KCNG3: variants seen among roughly 807,000 people sequenced by gnomAD.
KCNG3 encodes the protein voltage-gated potassium channel regulatory subunit KCNG3.
A neutral mutation model predicts 29.0 loss-of-function variants in KCNG3; 15 were observed. That is an observed-to-expected ratio of 0.52 (90% CI 0.35 to 0.80). The LOEUF is 0.80. Among genes scored for constraint, KCNG3 ranks in the 30% least tolerant of loss-of-function variants. The pLI is 0.01. For synonymous variants in KCNG3, 322 were observed against 248.9 expected (o/e 1.29, Z -2.76); for missense variants, 512 against 605.7 (o/e 0.85, Z 1.62).
chr2:42,492,001 A>G (rs748878504), intron 1 of KCNG3, among the ~76,000 whole-genome samples: 2 of 152,206 alleles, frequency 1.3e-5, no homozygotes, highest in Non-Finnish European at 2.9e-5. Flanking sequence ...GCTCACTTGT[A>G]CTAAAAACAG....
chr2:42,443,816 T>C lies in KCNG3; in HGVS notation c.*118A>G. The C allele has an allele frequency of 2.1e-6, 2 of 964,030 alleles. No homozygotes were observed. The highest frequency in any genetic ancestry group is 3.1e-6 in the Non-Finnish European group (2 of 645,016). 59.7% of individuals were successfully genotyped at this position (964,030 alleles called of 1,614,324 possible). Reference sequence around the variant, plus strand: ...TCCCTTCGGCTGGGAAGGATAATTTTTACCCTACCAAGATGATGACAATGC... The same window carrying C: ...TCCCTTCGGCTGGGAAGGATAATTTCTACCCTACCAAGATGATGACAATGC... On this transcript the variant is annotated 3_prime_UTR_variant, in exon 2 of 2. Transcript: ENST00000306078.
In KCNG3 at chr2:42,492,920, G is replaced by C. The variant is rs1275266112; in HGVS notation, c.582C>G (p.Pro194=). 1.3e-6 allele frequency: 2 copies of C among 1,584,594 alleles called. No homozygotes were observed. Among genetic ancestry groups the C allele is most frequent in the South Asian group, 2.3e-5 (2 of 87,464 alleles). The change falls in exon 1 of 2, where the codon CCC becomes CCG. Residue 194 remains proline (P), a synonymous_variant. Coordinates refer to ENST00000306078, the MANE Select transcript of KCNG3 (RefSeq NM_133329.6). ...SMVVLCASTL[P]DWRNAAADNR... is the part of the protein sequence containing the mutation. ...TGTCGGCGGCTGCGTTGCGCCAGTC[G>C]GGCAACGTGCTGGCGCACAGCACCA... is the stretch of plus-strand genomic sequence containing the variant.
At chr2:42,405,313 A>C in the KCNG3 span, among the ~76,000 whole-genome samples, 1 of 152,088 alleles carries the variant, frequency 6.6e-6, no homozygotes, top group Non-Finnish European at 1.5e-5. Context: ...TGTCTTTTCA[A>C]AAGAATTGCT....
chr2:42,411,150 T>G, the KCNG3 span, among the ~76,000 whole-genome samples: 1 of 152,212 alleles, frequency 6.6e-6, no homozygotes. Flanking sequence ...ATATGTCTAT[T>G]CATTCATCAA....
intron 1 of KCNG3, among the ~76,000 whole-genome samples, chr2:42,452,713 T>C (rs1350096504): frequency 6.6e-6 from 1 of 152,182 alleles, no homozygotes; most frequent in African/African-American, 2.4e-5. Context: ...TTCTTTTTTA[T>C]GGCTGAATAG....
At chr2:42,426,717 G>GA in the KCNG3 span, among the ~76,000 whole-genome samples, 2 of 152,184 alleles carry the variant, frequency 1.3e-5, no homozygotes, top group Admixed American at 1.3e-4. Context: ...AATTAACAAT[G>GA]AAAAGACATT....
the KCNG3 span, among the ~76,000 whole-genome samples, chr2:42,395,010 T>C: frequency 3.3e-5 from 5 of 152,232 alleles, no homozygotes; most frequent in African/African-American, 1.2e-4. Flanking sequence ...GGCCCTGCGA[T>C]GGCTGGGACA....
chr2:42,404,042 T>C, the KCNG3 span, among the ~76,000 whole-genome samples: 1 of 152,228 alleles, frequency 6.6e-6, no homozygotes, highest in Non-Finnish European at 1.5e-5. Flanking sequence ...ACAATTTGCA[T>C]GATATAAAGG....
the KCNG3 span, among the ~76,000 whole-genome samples, chr2:42,407,177 C>CTTTTTTTTTTTT: frequency 6.8e-5 from 9 of 133,146 alleles, no homozygotes; most frequent in African/African-American, 2.2e-4. Context: ...TCTGCTTGAT[C>CTTTTTTTTTTTT]TTTTTTTTTT....
At chr2:42,411,069 T>C in the KCNG3 span, among the ~76,000 whole-genome samples, 1 of 152,218 alleles carries the variant, frequency 6.6e-6, no homozygotes, top group African/African-American at 2.4e-5. Flanking sequence ...TGATTTGAGA[T>C]AGTTCTCTTA....
chr2:42,456,030 A>G (rs1356773164), intron 1 of KCNG3, among the ~76,000 whole-genome samples: 1 of 151,002 alleles, frequency 6.6e-6, no homozygotes, highest in Non-Finnish European at 1.5e-5. Context: ...ATATAAAATA[A>G]GGAAATGTTA....
Position 42,443,683 on chromosome 2 carries a change from C to T in KCNG3, c.*251G>A, listed in dbSNP as rs1366209750. On this transcript the variant is annotated 3_prime_UTR_variant, in exon 2 of 2. Transcript: ENST00000306078. ...AAAAATGTGTAATCATTCAAGGAAACGGGAAAACAAGTCTAAATAAAACCG... is the reference window on the plus strand; with the variant it reads ...AAAAATGTGTAATCATTCAAGGAAATGGGAAAACAAGTCTAAATAAAACCG... The T allele has an allele frequency of 8.2e-6, 3 of 364,076 alleles. No individual in the cohort carries two copies. The highest frequency in any genetic ancestry group is 4.1e-5 in the East Asian group (1 of 24,400). 22.6% of individuals were successfully genotyped at this position (364,076 alleles called of 1,614,324 possible).
downstream of KCNG3, among the ~76,000 whole-genome samples, chr2:42,438,921 AAC>A (rs1338497532): frequency 6.6e-6 from 1 of 152,180 alleles, no homozygotes; most frequent in African/African-American, 2.4e-5. Context: ...CATAGGAAAG[AAC>A]ACTGAACAGA....
At chr2:42,448,314 G>T (rs986821697) in intron 1 of KCNG3, among the ~76,000 whole-genome samples, 7 of 151,828 alleles carry the variant, frequency 4.6e-5, no homozygotes, top group Non-Finnish European at 1.0e-4. Flanking sequence ...ACAAACTATA[G>T]CCCGGGGTCT....
rs533907084 is a variant in KCNG3 at position 42,492,805 on chromosome 2, G to T, written c.665+32C>A. 2.1e-6 allele frequency: 3 copies of T among 1,440,896 alleles called. No individual in the cohort carries two copies. The African/African-American group carries it at 4.5e-5, about 22-fold the overall frequency. 89.3% of individuals were successfully genotyped at this position (1,440,896 alleles called of 1,614,324 possible). A position where few individuals can be genotyped will look rare whatever the true frequency, so the allele number is the denominator to read the frequency against. ...CGGGACGGACAGACGCGACAGGACG[G>T]ACGGGACGGGTAGAGAAGCAGTGCG... On this transcript the variant is annotated intron_variant, in intron 1 of 1. Coordinates refer to ENST00000306078, the MANE Select transcript of KCNG3 (RefSeq NM_133329.6).
At chr2:42,477,133 AG>A (rs1673446386) in intron 1 of KCNG3, among the ~76,000 whole-genome samples, 2 of 150,016 alleles carry the variant, frequency 1.3e-5, no homozygotes, top group Admixed American at 1.3e-4. Flanking sequence ...CGGAGGTTGC[AG>A]GGAGCTGAGA....
In KCNG3 at chr2:42,444,456, C is replaced by A. The variant is rs367799233; in HGVS notation, c.789G>T (p.Thr263=). Reference sequence around the variant, plus strand: ...TCATCAACACAGAGATGTAATACGGCGTGATTGCCAGTAAATCAATGATGT... The same window carrying A: ...TCATCAACACAGAGATGTAATACGGAGTGATTGCCAGTAAATCAATGATGT... ...PLNIIDLLAI[T]PYYISVLMTV... The change falls in exon 2 of 2, where the codon ACG becomes ACT. Residue 263 remains threonine (T), a synonymous_variant. Transcript: ENST00000306078. The surrounding 1 kb of genome is among the most constrained non-coding windows in gnomAD (Gnocchi z 5.8). The A allele has an allele frequency of 1.2e-6, 2 of 1,614,044 alleles. No individual in the cohort carries two copies. Among genetic ancestry groups the A allele is most frequent in the East Asian group, 2.2e-5 (1 of 44,872 alleles).
intron 1 of KCNG3, among the ~76,000 whole-genome samples, chr2:42,456,443 T>C (rs1299566536): frequency 6.6e-6 from 1 of 152,092 alleles, no homozygotes; most frequent in East Asian, 1.9e-4. Context: ...GAGGAGCACC[T>C]GAGCCCAGGG....
chr2:42,466,751 T>TC (rs70963316), intron 1 of KCNG3, among the ~76,000 whole-genome samples: 65,990 of 143,874 alleles, frequency 0.46, 16,127 homozygotes, highest in Middle Eastern at 0.7. Flanking sequence ...CAAATACTCT[T>TC]CCTTTTTTTT....
Sources: allele counts gnomAD v4.1 joint callset (sites outside exome capture counted in the v4.1 genomes callset), GRCh38; gene constraint gnomAD v4.1.1; non-coding constraint Gnocchi (gnomAD v3.1); transcripts MANE v1.5; gene names NCBI Gene and HGNC (gene_info 2026-07-23, HGNC 2026-07-21).